The following CROT variants were observed in gnomAD, a reference collection of about 807,000 sequenced individuals.
CROT encodes the protein peroxisomal carnitine O-octanoyltransferase.
In CROT, 84 loss-of-function variants were observed where a neutral mutation model predicts 89.2. The observed-to-expected ratio is 0.94, with a 90% CI of 0.79 to 1.13. The LOEUF (loss-of-function observed/expected upper bound fraction) is 1.13. Among genes scored for constraint, CROT ranks in the 50% most tolerant of loss-of-function variants. CROT has a pLI of 0.00. For synonymous variants in CROT, 212 were observed against 239.5 expected, an observed-to-expected ratio of 0.89 and a Z score of 1.06; for missense variants, 711 against 727.8, an observed-to-expected ratio of 0.98 and a Z score of 0.27.
chr7:87,389,489 T>C (rs1807288725), intron 13 of CROT, among the ~76,000 whole-genome samples: 1 of 152,172 alleles, frequency 6.6e-6, no homozygotes, highest in Non-Finnish European at 1.5e-5. Flanking sequence ...TGGATGAAGC[T>C]GGAAACCATC....
chr7:87,398,569 T>C lies in CROT; in HGVS notation c.1764T>C (p.Asp588=). The C allele has an allele frequency of 6.2e-7, 1 of 1,613,896 alleles. No homozygotes were observed. Among genetic ancestry groups the C allele is most frequent in the Non-Finnish European group, 8.5e-7 (1 of 1,179,880 alleles). ...CSAWKSCPET[D]AEKLVQLTFC... is the part of the protein sequence containing the mutation. ...CCTGGAAATCCTGTCCCGAGACTGA[T>C]GCGGAAAAGCTAGTTCAGCTGACTT... The change falls in exon 18 of 18, where the codon GAT becomes GAC. Residue 588 remains aspartate, a synonymous_variant. Coordinates refer to ENST00000331536, the MANE Select transcript of CROT (RefSeq NM_021151.4).
chr7:87,357,625 A>G (rs376339461), intron 3 of CROT: 16 of 835,882 alleles, frequency 1.9e-5, no homozygotes, highest in East Asian at 2.6e-5. Context: ...GAGACAGCTT[A>G]TTGAAAGCTA....
intron 7 of CROT, among the ~76,000 whole-genome samples, chr7:87,371,322 A>G (rs897068729): frequency 3.3e-5 from 5 of 152,196 alleles, no homozygotes; most frequent in Admixed American, 2.6e-4. Context: ...GCTTCTTTTA[A>G]TCAACAATAA....
At chr7:87,372,089 T>C (rs1254042373) in intron 7 of CROT, among the ~76,000 whole-genome samples, 1 of 151,988 alleles carries the variant, frequency 6.6e-6, no homozygotes, top group African/African-American at 2.4e-5. Context: ...AATTGGCATA[T>C]CCCTCATTAC....
At chr7:87,384,234 C>T (rs1807118792) in intron 13 of CROT, among the ~76,000 whole-genome samples, 1 of 151,980 alleles carries the variant, frequency 6.6e-6, no homozygotes, top group Admixed American at 6.6e-5. Context: ...TGAGAAATGT[C>T]TATTAAGATC....
Position 87,354,273 on chromosome 7 carries a change from A to T in CROT, c.116-4933A>T, listed in dbSNP as rs1266126752. 9 of 466,040 alleles carry T rather than the reference A, an allele frequency of 1.9e-5. No homozygotes were observed. The East Asian group carries it at 5.9e-4, about 31-fold the overall frequency. 28.9% of individuals were successfully genotyped at this position (466,040 alleles called of 1,614,324 possible). Reference sequence around the variant, plus strand: ...AATAAAGACAGCATAGGAATTATACAATCTTGTTTCTTAAGACAGTTACCA... The same window carrying T: ...AATAAAGACAGCATAGGAATTATACTATCTTGTTTCTTAAGACAGTTACCA... On this transcript the variant is annotated intron_variant, in intron 3 of 17. Transcript: ENST00000331536.
chr7:87,398,885 A>G lies in CROT; in HGVS notation c.*241A>G, dbSNP rs1807648505. 14 of 480,526 alleles carry G rather than the reference A, an allele frequency of 2.9e-5. No individual in the cohort carries two copies. The South Asian group carries it at 3.0e-4, about 10-fold the overall frequency. 29.8% of individuals were successfully genotyped at this position (480,526 alleles called of 1,614,324 possible). ...CAATGCAAATTATGACATAGTGAAT[A>G]TAGAACTATGCAGTATTTAAGCCTC... On this transcript the variant is annotated 3_prime_UTR_variant, in exon 18 of 18. Transcript: ENST00000331536.
intron 7 of CROT, 135 bp downstream of exon 7, chr7:87,369,619 AAT>A (rs1491555407): frequency 1.2e-4 from 40 of 335,210 alleles, no homozygotes; most frequent in South Asian, 1.8e-4. Flanking sequence ...TTTAAAAAAA[AAT>A]CTATTTGTAT....
intron 6 of CROT, among the ~76,000 whole-genome samples, chr7:87,364,611 AT>A (rs1432925220): frequency 1.3e-5 from 2 of 152,196 alleles, no homozygotes; most frequent in East Asian, 1.9e-4. Flanking sequence ...GCACTGGGAG[AT>A]CAAAAATAAT....
At chr7:87,371,598 A>G (rs1806632664) in intron 7 of CROT, among the ~76,000 whole-genome samples, 2 of 152,236 alleles carry the variant, frequency 1.3e-5, no homozygotes, top group Admixed American at 6.5e-5. Context: ...TGACTGAGTC[A>G]AATTGTCATC....
chr7:87,376,587 T>C (rs1806819044), intron 9 of CROT, among the ~76,000 whole-genome samples: 1 of 151,472 alleles, frequency 6.6e-6, no homozygotes, highest in Non-Finnish European at 1.5e-5. Context: ...TATTAAATAA[T>C]AGGAAAAAAT....
At chr7:87,384,893 G>A (rs915914610) in intron 13 of CROT, among the ~76,000 whole-genome samples, 5 of 152,118 alleles carry the variant, frequency 3.3e-5, no homozygotes, top group East Asian at 1.9e-4. Flanking sequence ...TTTTGTACAC[G>A]GTAAGAGATA....
In CROT at chr7:87,399,273, G is replaced by A. The variant is rs1291813511; in HGVS notation, c.*629G>A. On this transcript the variant is annotated 3_prime_UTR_variant, in exon 18 of 18. Coordinates refer to ENST00000331536, the MANE Select transcript of CROT (RefSeq NM_021151.4). ...GAGGATTGCTTGAAGCTAGGAGTTT[G>A]AGACCAGCCTGGGCAACAGGGTAAG... 1 of 152,716 alleles carries A rather than the reference G, an allele frequency of 6.5e-6. No individual in the cohort carries two copies. Among genetic ancestry groups the A allele is most frequent in the Non-Finnish European group, 1.5e-5 (1 of 68,512 alleles). 9.5% of individuals were successfully genotyped at this position (152,716 alleles called of 1,614,324 possible).
rs1339151722 is a variant in CROT, at chr7:87,399,020, GT to G, written c.*377del. The G allele has an allele frequency of 5.5e-6, 1 of 183,276 alleles. No individual in the cohort carries two copies. The highest frequency in any genetic ancestry group is 2.4e-5 in the African/African-American group (1 of 41,772). The allele number at this position is 183,276 out of a possible 1,614,324, so 11.4% of individuals were successfully genotyped here. ...TCCTCTCTCTGGACATCAATGTAGA[GT>G]CCATCTTTCAAGCACTTTAATTTTT... is the stretch of plus-strand genomic sequence containing the variant. On this transcript the variant is annotated 3_prime_UTR_variant, in exon 18 of 18. Coordinates refer to ENST00000331536, the MANE Select transcript of CROT (RefSeq NM_021151.4).
chr7:87,358,321 CAA>C (rs1174423584), intron 3 of CROT, among the ~76,000 whole-genome samples: 1 of 136,238 alleles, frequency 7.3e-6, no homozygotes. Context: ...ACTAAAAATA[CAA>C]AAAAAAAAAA....
At chr7:87,369,324 A>G in intron 6 of CROT, 52 bp from the exon 7 acceptor site, 2 of 1,230,962 alleles carry the variant, frequency 1.6e-6, no homozygotes, top group African/African-American at 1.5e-5. Context: ...ATGCATCTTT[A>G]CTCCTGTTTA....
rs370017921 is a variant in CROT at position 87,375,717 on chromosome 7, T to C, written c.742T>C (p.Trp248Arg). Residue 248 changes from tryptophan to arginine, a missense_variant, in exon 8 of 18, where the codon TGG (tryptophan) becomes CGG (arginine). Physicochemically the swap from Trp to Arg is moderately radical, Grantham distance 101. Coordinates refer to ENST00000331536, the MANE Select transcript of CROT (RefSeq NM_021151.4). ...ATTAACTAGTGAGGAGCGAACTCGA[T>C]GGGCTAAGGTTCTGATTTACACTTT... ...AALTSEERTR[W>R]AKAREYLIGL... The C allele has an allele frequency of 5.6e-6, 9 of 1,613,248 alleles. No individual in the cohort carries two copies. Among genetic ancestry groups the C allele is most frequent in the Admixed American group, 1.7e-5 (1 of 59,950 alleles).
intron 6 of CROT, among the ~76,000 whole-genome samples, chr7:87,365,058 A>G (rs1024748136): frequency 2.0e-5 from 3 of 152,214 alleles, no homozygotes; most frequent in Non-Finnish European, 2.9e-5. Context: ...ATTTAAAATT[A>G]GACGAGATGA....
intron 1 of CROT, among the ~76,000 whole-genome samples, 163 bp downstream of exon 1, chr7:87,345,930 C>T (rs966104887): frequency 1.1e-4 from 16 of 152,208 alleles, no homozygotes; most frequent in Admixed American, 7.8e-4. Context: ...GGTTGGGCCG[C>T]GGGGCTGCTC....
Sources: gnomAD v4.1 joint callset for allele counts (sites outside exome capture counted in the v4.1 genomes callset) on GRCh38, gnomAD v4.1.1 for gene constraint, MANE v1.5 for transcripts, NCBI Gene and HGNC (gene_info 2026-07-23, HGNC 2026-07-21) for gene names.